Variants in MRAP observed in about 807,000 individuals in gnomAD.
MRAP encodes melanocortin 2 receptor accessory protein.
MRAP carries 8 observed loss-of-function variants against 8.7 expected under a neutral mutation model. The observed-to-expected ratio is 0.92, with a 90% confidence interval of 0.54 to 1.66. The LOEUF (loss-of-function observed/expected upper bound fraction) is 1.66. MRAP is among the 40% of genes most tolerant of loss of function. MRAP has a pLI of 0.00. For synonymous variants in MRAP, 95 were observed against 95.5 expected (o/e 1.00, Z 0.03); for missense variants, 237 against 217.1 (o/e 1.09, Z -0.58).
chr21:32,306,098 G>A (rs1221982439), intron 1 of MRAP, among the ~76,000 whole-genome samples: 2 of 152,204 alleles, frequency 1.3e-5, no homozygotes, highest in African/African-American at 2.4e-5. Flanking sequence ...CCAGGCATGA[G>A]CAGACCTAGG....
At chr21:32,293,339 A>C (rs2032084316) in intron 2 of MRAP, among the ~76,000 whole-genome samples, 1 of 152,030 alleles carries the variant, frequency 6.6e-6, no homozygotes, top group Admixed American at 6.6e-5. Flanking sequence ...GGCAAAAAAA[A>C]AATAGAAATT....
chr21:32,298,326 G>C (rs191121737), upstream of MRAP, among the ~76,000 whole-genome samples: 82 of 152,150 alleles, frequency 5.4e-4, no homozygotes, highest in Non-Finnish European at 1.0e-3. Context: ...TTGGTTCTTG[G>C]GGGGCTTAGA....
intron 1 of MRAP, among the ~76,000 whole-genome samples, chr21:32,302,725 G>A (rs768675409): frequency 1.2e-4 from 18 of 152,206 alleles, no homozygotes; most frequent in Admixed American, 3.3e-4. Flanking sequence ...CATGGAGTAA[G>A]GGAATAAGAA....
intron 1 of MRAP, chr21:32,306,352 T>A (rs563550156): frequency 5.7e-4 from 245 of 430,034 alleles, no homozygotes; most frequent in African/African-American, 4.6e-3. Context: ...GGCAAGCAGA[T>A]GCATGGGGTG....
At chr21:32,297,236 T>A (rs771376052), upstream of MRAP, among the ~76,000 whole-genome samples, 5 of 152,208 alleles carry the variant, frequency 3.3e-5, no homozygotes, top group Non-Finnish European at 7.3e-5. Flanking sequence ...GGGCTAGTTG[T>A]CAGAGGAACC....
chr21:32,302,224 A>G (rs556065714), intron 1 of MRAP, among the ~76,000 whole-genome samples: 1 of 152,184 alleles, frequency 6.6e-6, no homozygotes, highest in South Asian at 2.1e-4. Flanking sequence ...ACTGACCCAG[A>G]AAAAAGTCAG....
At position 32,299,009 on chromosome 21, in the gene MRAP, G is replaced by C. The variant is rs367739120; in HGVS notation, c.38G>C (p.Ser13Thr). The C allele has an allele frequency of 9.9e-6, 16 of 1,614,108 alleles. No individual in the cohort carries two copies. In the Admixed American group the frequency reaches 2.7e-4, roughly 27 times the overall value. Residue 13 changes from serine (S) to threonine (T), a missense_variant, in exon 1 of 3, where the codon AGC becomes ACC. Physicochemically the swap from Ser to Thr is moderately conservative, Grantham distance 58. Transcript: ENST00000303645. ...ACCAACGCCTCTGCCCCATACTACA[G>C]CTATGAATACTACCTGGACTATCTG... The part of the protein sequence containing the change: ...NGTNASAPYY[S>T]YEYYLDYLDL...
chr21:32,311,388 A>C, intron 2 of MRAP: 1 of 467,344 alleles, frequency 2.1e-6, no homozygotes, highest in Non-Finnish European at 3.8e-6. Context: ...GCTGGATGGG[A>C]GGTCAACCTG....
At chr21:32,304,953 G>A (rs1008125877) in intron 1 of MRAP, among the ~76,000 whole-genome samples, 1 of 113,828 alleles carries the variant, frequency 8.8e-6, no homozygotes, top group South Asian at 3.0e-4. Context: ...AGGGGGATTT[G>A]TTTTTTTTGT....
Position 32,306,829 on chromosome 21 carries a change from G to A in MRAP, c.206+90G>A, listed in dbSNP as rs1228089169. ...TTGAGTATCCCTCATCCAAAATGCT[G>A]GAGACCAGAAGTGTTTCAGATTTGG... On this transcript the variant is annotated intron_variant, in intron 2 of 2. Transcript: ENST00000303645. The A allele has an allele frequency of 4.9e-6, 5 of 1,018,002 alleles. No homozygotes were observed. In the African/African-American group the frequency reaches 7.9e-5, roughly 16 times the overall value. The allele number at this position is 1,018,002 out of a possible 1,614,324, so 63.1% of individuals were successfully genotyped here.
Position 32,300,903 on chromosome 21 carries a change from C to T in MRAP, c.106+1826C>T, listed in dbSNP as rs181042672. Among the ~76,000 whole-genome samples, 1,409 of 149,316 alleles carry T rather than the reference C, an allele frequency of 9.4e-3. 15 individuals are homozygous for T. Among genetic ancestry groups the T allele is most frequent in the South Asian group, 0.023 (110 of 4,806 alleles). ...GGGTGTCATGCATCCTATGTCGGGGCGTCATGTGTCTATGTGTCATGATAT... is the reference window on the plus strand; with the variant it reads ...GGGTGTCATGCATCCTATGTCGGGGTGTCATGTGTCTATGTGTCATGATAT... On this transcript the variant is annotated intron_variant, in intron 1 of 2. Coordinates refer to ENST00000303645, the MANE Select transcript of MRAP (RefSeq NM_001379228.1).
chr21:32,308,124 G>A (rs935663603), intron 2 of MRAP, among the ~76,000 whole-genome samples: 14 of 152,256 alleles, frequency 9.2e-5, no homozygotes, highest in African/African-American at 1.4e-4. Context: ...TGTAATCCCC[G>A]CACTTTGGGA....
At chr21:32,298,348 A>G (rs1030612446), upstream of MRAP, among the ~76,000 whole-genome samples, 3 of 151,732 alleles carry the variant, frequency 2.0e-5, no homozygotes, top group Non-Finnish European at 2.9e-5. Context: ...ATAAGTGGAG[A>G]GGTGCACTCT....
downstream of MRAP, chr21:32,314,763 C>A: frequency 7.0e-7 from 1 of 1,427,624 alleles, no homozygotes; most frequent in East Asian, 2.4e-5. Flanking sequence ...TCAATAAAGT[C>A]CTCTCAACTT....
chr21:32,314,723 C>A, downstream of MRAP: 1 of 1,520,608 alleles, frequency 6.6e-7, no homozygotes, highest in Non-Finnish European at 9.1e-7. Flanking sequence ...TGGGCACCTA[C>A]AGGCCCGAGT....
At chr21:32,310,342 G>T (rs375264883) in intron 2 of MRAP, among the ~76,000 whole-genome samples, 2 of 152,202 alleles carry the variant, frequency 1.3e-5, no homozygotes, top group African/African-American at 4.8e-5. Context: ...CATGATGGGG[G>T]GGGGAGGGGA....
intron 2 of MRAP, among the ~76,000 whole-genome samples, chr21:32,310,639 ATTTC>A (rs2032538056): frequency 2.0e-5 from 3 of 148,640 alleles, no homozygotes; most frequent in African/African-American, 7.4e-5. Flanking sequence ...GGGAGGACAC[ATTTC>A]TTTTTTTTTT....
chr21:32,307,345 T>C (rs1034434604), intron 2 of MRAP, among the ~76,000 whole-genome samples: 1 of 151,836 alleles, frequency 6.6e-6, no homozygotes, highest in Non-Finnish European at 1.5e-5. Context: ...GAGGCTGAGA[T>C]GGGTGGATCA....
upstream of MRAP, among the ~76,000 whole-genome samples, chr21:32,297,597 C>A (rs2032162851): frequency 6.6e-6 from 1 of 152,104 alleles, no homozygotes; most frequent in African/African-American, 2.4e-5. Context: ...AGTAAGTGAA[C>A]TGTTTGACCT....
Sources: gnomAD v4.1 joint callset for allele counts (sites outside exome capture counted in the v4.1 genomes callset) on GRCh38, gnomAD v4.1.1 for gene constraint, MANE v1.5 for transcripts, NCBI Gene and HGNC (gene_info 2026-07-23, HGNC 2026-07-21) for gene names.